Variants in WSCD2 observed in about 807,000 individuals in gnomAD.
The protein encoded by WSCD2 is sialate:O-sulfotransferase 2.
In WSCD2, 28 loss-of-function variants were observed where a neutral mutation model predicts 55.7. The ratio of observed to expected loss-of-function variants is 0.50; its 90% CI spans 0.37 to 0.69. The LOEUF (loss-of-function observed/expected upper bound fraction) is 0.69, where lower values mean the gene tolerates loss of function less well. Ranked by LOEUF, WSCD2 falls within the 30% of genes least tolerant of loss-of-function variation. The pLI is 0.00. For missense variants in WSCD2, 616 were observed against 762.1 expected, an observed-to-expected ratio of 0.81 and a Z score of 2.26; for synonymous variants, 301 against 301.9, an observed-to-expected ratio of 1.00 and a Z score of 0.03.
intron 1 of WSCD2, among the ~76,000 whole-genome samples, chr12:108,180,163 C>T (rs1881526799): frequency 6.6e-6 from 1 of 151,482 alleles, no homozygotes; most frequent in South Asian, 2.1e-4. Flanking sequence ...TTAAGACAGA[C>T]CCCAAGATTT....
At chr12:108,174,701 A>G (rs1880603688) in intron 1 of WSCD2, among the ~76,000 whole-genome samples, 2 of 152,182 alleles carry the variant, frequency 1.3e-5, no homozygotes, top group Admixed American at 1.3e-4. Context: ...TGCAGCCTCA[A>G]ACTTCTGGGC....
Position 108,224,880 on chromosome 12 carries a change from C to T in WSCD2, c.804+20C>T. On this transcript the variant is annotated intron_variant, in intron 5 of 8. Transcript: ENST00000547525. ...GAGAAGGTGAGCACAAGGTGGGGCC[C>T]ATGGAACTCAGGGGGAGGGAACCAT... The T allele has an allele frequency of 6.2e-7, 1 of 1,609,574 alleles. No individual in the cohort carries two copies.
At chr12:108,214,862 T>C (rs1886643216) in intron 4 of WSCD2, among the ~76,000 whole-genome samples, 1 of 152,224 alleles carries the variant, frequency 6.6e-6, no homozygotes. Flanking sequence ...TTTTACATGG[T>C]GGTTTTTGTG....
At chr12:108,193,446 G>A (rs1335217038) in intron 1 of WSCD2, among the ~76,000 whole-genome samples, 1 of 152,260 alleles carries the variant, frequency 6.6e-6, no homozygotes, top group Admixed American at 6.5e-5. Context: ...ATGACTGGAT[G>A]GGTGGAGAGT....
At chr12:108,174,287 CT>C (rs1308723216) in intron 1 of WSCD2, among the ~76,000 whole-genome samples, 4 of 152,228 alleles carry the variant, frequency 2.6e-5, no homozygotes, top group Admixed American at 2.6e-4. Context: ...AAGGCTGAAG[CT>C]GCCTTACATA....
At chr12:108,230,246 A>T (rs565652064) in intron 6 of WSCD2, among the ~76,000 whole-genome samples, 20 of 152,322 alleles carry the variant, frequency 1.3e-4, no homozygotes, top group African/African-American at 4.3e-4. Flanking sequence ...TCCTTTTTGC[A>T]GTGTATTCCA....
At chr12:108,244,537 C>T (rs1026119950) in intron 8 of WSCD2, 5 of 702,950 alleles carry the variant, frequency 7.1e-6, no homozygotes, top group Middle Eastern at 2.3e-4. Flanking sequence ...GTACCAGGAT[C>T]TTTGCAAATC....
intron 3 of WSCD2, among the ~76,000 whole-genome samples, chr12:108,208,466 G>A (rs1214985139): frequency 1.3e-5 from 2 of 152,170 alleles, no homozygotes; most frequent in Non-Finnish European, 2.9e-5. Flanking sequence ...GGGATGGAGG[G>A]CTCCATGTGG....
chr12:108,161,763 A>T (rs559688694), intron 1 of WSCD2, among the ~76,000 whole-genome samples: 32 of 152,320 alleles, frequency 2.1e-4, no homozygotes, highest in African/African-American at 7.2e-4. Flanking sequence ...CAGCATGTTC[A>T]GTCCTGTGAT....
At chr12:108,164,138 CCTTTTT>C (rs1168654078) in intron 1 of WSCD2, among the ~76,000 whole-genome samples, 746 of 71,740 alleles carry the variant, frequency 0.01, 120 homozygotes, top group African/African-American at 0.032. Context: ...AATCTTAAAT[CCTTTTT>C]TTTTTTTTTT....
chr12:108,218,603 A>G lies in WSCD2; in HGVS notation c.683-6136A>G, dbSNP rs567902845. Among the ~76,000 whole-genome samples the G allele has an allele frequency of 7.5e-4, 114 of 152,286 alleles. 1 individual carries two copies. Among genetic ancestry groups the G allele is most frequent in the African/African-American group, 2.3e-3 (95 of 41,558 alleles). ...GCCTAGAGGAAGATGCATGTGTGCC[A>G]CCCACAGGCCCTGAGTGATGCCCCA... On this transcript the variant is annotated intron_variant, in intron 4 of 8. Transcript: ENST00000547525.
intron 1 of WSCD2, among the ~76,000 whole-genome samples, chr12:108,183,744 T>A (rs1882105084): frequency 6.6e-6 from 1 of 151,880 alleles, no homozygotes; most frequent in Non-Finnish European, 1.5e-5. Context: ...GGTCAGAGGG[T>A]GGCACTTCCA....
chr12:108,188,650 G>A (rs1882805126), intron 1 of WSCD2, among the ~76,000 whole-genome samples: 1 of 152,154 alleles, frequency 6.6e-6, no homozygotes, highest in East Asian at 1.9e-4. Flanking sequence ...CCACCACCAA[G>A]AAGGGTGAGA....
intron 1 of WSCD2, among the ~76,000 whole-genome samples, chr12:108,170,293 TAC>T (rs146598916): frequency 6.6e-6 from 1 of 151,728 alleles, no homozygotes; most frequent in African/African-American, 2.4e-5. Context: ...GTGTAGTCAC[TAC>T]ACACACACAC....
chr12:108,135,718 G>A (rs927613244), intron 1 of WSCD2, among the ~76,000 whole-genome samples: 3 of 152,200 alleles, frequency 2.0e-5, no homozygotes, highest in African/African-American at 7.2e-5. Flanking sequence ...GGACAAATTG[G>A]TTACTCTCAT....
intron 8 of WSCD2, chr12:108,244,554 C>T (rs920365329): frequency 3.8e-5 from 27 of 702,900 alleles, no homozygotes; most frequent in Non-Finnish European, 6.0e-5. Flanking sequence ...AATCTTATTT[C>T]GCTCGATTTG....
rs143116124 is a variant in WSCD2, at chr12:108,148,447, T to C, written c.-552+18521T>C. 1.4e-3 allele frequency among the ~76,000 whole-genome samples: 207 copies of C among 152,318 alleles called. 3 individuals are homozygous for C. In the East Asian group the frequency reaches 0.034, roughly 25 times the overall value. On this transcript the variant is annotated intron_variant, in intron 1 of 8. Coordinates refer to ENST00000547525, the MANE Select transcript of WSCD2 (RefSeq NM_014653.4). ...TGGTGTGAGGTGATGAGGCCTGGGC[T>C]GGGACAATGGCGGTGGGTAGTGTGG...
chr12:108,231,061 T>C (rs957873045), intron 6 of WSCD2, among the ~76,000 whole-genome samples: 48 of 152,054 alleles, frequency 3.2e-4, no homozygotes, highest in African/African-American at 1.1e-3. Context: ...TATTGGGGTT[T>C]GGAAGGAGCA....
rs1464118788 is a variant in WSCD2, at chr12:108,206,782, A to C, written c.497+379A>C. Among the ~76,000 whole-genome samples, 3 of 152,134 alleles carry C rather than the reference A, an allele frequency of 2.0e-5. No homozygotes were observed. The East Asian group carries it at 5.8e-4, about 29-fold the overall frequency. ...TGTGAATATGTGTGCAAGGGCTGAG[A>C]GTTGTGCTTGTGTGTGTAGGTGTCT... is the stretch of plus-strand genomic sequence containing the variant. On this transcript the variant is annotated intron_variant, in intron 3 of 8. Coordinates refer to ENST00000547525, the MANE Select transcript of WSCD2 (RefSeq NM_014653.4).
Sources: allele counts gnomAD v4.1 joint callset (sites outside exome capture counted in the v4.1 genomes callset), GRCh38; gene constraint gnomAD v4.1.1; transcripts MANE v1.5; gene names NCBI Gene and HGNC (gene_info 2026-07-23, HGNC 2026-07-21).